The following DCHS2 variants were observed in gnomAD, a reference collection of about 807,000 sequenced individuals.
DCHS2 encodes the protein dachsous cadherin-related 2.
A neutral mutation model predicts 182.4 loss-of-function variants in DCHS2; 142 were observed. That is an observed-to-expected ratio of 0.78 (90% CI 0.68 to 0.89). The LOEUF is 0.89. DCHS2 is among the 40% of genes least tolerant of loss of function. DCHS2 has a pLI of 0.00. For missense variants in DCHS2, 4,319 were observed against 4,198.6 expected (o/e 1.03, Z -0.79); for synonymous variants, 1,740 against 1,663.3 (o/e 1.05, Z -1.12).
chr4:154,408,481 A>G (rs957621422), intron 1 of DCHS2, among the ~76,000 whole-genome samples: 5 of 152,248 alleles, frequency 3.3e-5, no homozygotes, highest in Non-Finnish European at 7.3e-5. Context: ...ATTATTTTGT[A>G]TATAACTTAT....
intron 14 of DCHS2, among the ~76,000 whole-genome samples, chr4:154,263,715 T>C (rs1045903986): frequency 6.8e-6 from 1 of 146,796 alleles, no homozygotes; most frequent in African/African-American, 2.5e-5. Flanking sequence ...AAACTGAAAC[T>C]GAAGCAGAAT....
At chr4:154,352,622 G>T (rs566507333) in intron 3 of DCHS2, 6 of 152,166 alleles carry the variant, frequency 3.9e-5, no homozygotes, top group Non-Finnish European at 8.8e-5. Flanking sequence ...GGAAAGTTTT[G>T]TGTTCTAGCA....
intron 1 of DCHS2, among the ~76,000 whole-genome samples, chr4:154,477,896 C>G (rs748121114): frequency 6.6e-6 from 1 of 152,126 alleles, no homozygotes; most frequent in Non-Finnish European, 1.5e-5. Context: ...TCCTATATGT[C>G]CTAGTCAATC....
At chr4:154,371,596 G>T (rs1730649975) in intron 2 of DCHS2, among the ~76,000 whole-genome samples, 1 of 152,126 alleles carries the variant, frequency 6.6e-6, no homozygotes, top group Non-Finnish European at 1.5e-5. Context: ...AAAGAAACCT[G>T]AGACTGATTA....
intron 13 of DCHS2, among the ~76,000 whole-genome samples, chr4:154,282,274 C>T (rs1382268833): frequency 6.6e-6 from 1 of 151,908 alleles, no homozygotes; most frequent in African/African-American, 2.4e-5. Context: ...AGTTGCAAGC[C>T]ACATATCTGA....
chr4:154,279,988 CAG>C (rs1459807726), intron 13 of DCHS2, among the ~76,000 whole-genome samples: 1 of 151,232 alleles, frequency 6.6e-6, no homozygotes, highest in Non-Finnish European at 1.5e-5. Flanking sequence ...ACTAATGAGA[CAG>C]AGACAGAGAA....
rs374742279 is a variant in DCHS2, at chr4:154,298,050, T to C, written c.6264A>G (p.Lys2088=). ...AETQSMFSID[K]YTGEIQFQQN... is the part of the protein sequence containing the mutation. Reference sequence around the variant, plus strand: ...GCTGAAATTGAATTTCTCCTGTGTATTTATCAATAGAAAACATTGACTGGG... The same window carrying C: ...GCTGAAATTGAATTTCTCCTGTGTACTTATCAATAGAAAACATTGACTGGG... The change falls in exon 13 of 20, where the codon AAA becomes AAG. Residue 2088 remains lysine (K), a synonymous_variant. Transcript: ENST00000357232. 1.9e-6 allele frequency: 3 copies of C among 1,614,026 alleles called. No individual in the cohort carries two copies. In the African/African-American group the frequency reaches 4.0e-5, roughly 22 times the overall value.
intron 1 of DCHS2, among the ~76,000 whole-genome samples, chr4:154,396,237 A>C (rs1025978300): frequency 1.1e-4 from 17 of 148,242 alleles, no homozygotes; most frequent in Admixed American, 8.0e-4. Context: ...CAATATATAT[A>C]GAAGAAAAGA....
intron 3 of DCHS2, among the ~76,000 whole-genome samples, chr4:154,345,897 T>C (rs1351678114): frequency 6.6e-6 from 1 of 152,240 alleles, no homozygotes; most frequent in East Asian, 1.9e-4. Context: ...TTGGCTGCTA[T>C]AGCAAAAGTA....
chr4:154,413,192 C>G (rs6831515), intron 1 of DCHS2, among the ~76,000 whole-genome samples: 34,722 of 152,094 alleles, frequency 0.23, 4,270 homozygotes, highest in African/African-American at 0.33. Context: ...GTATTCCTGG[C>G]ATGCTTCCTT....
chr4:154,452,227 G>A (rs1188383000), intron 1 of DCHS2, among the ~76,000 whole-genome samples: 1 of 152,108 alleles, frequency 6.6e-6, no homozygotes, highest in Non-Finnish European at 1.5e-5. Context: ...GAATATATTT[G>A]TTTATTTACA....
chr4:154,352,095 G>C (rs765421041), intron 3 of DCHS2, among the ~76,000 whole-genome samples: 10 of 151,810 alleles, frequency 6.6e-5, no homozygotes, highest in Non-Finnish European at 1.5e-4. Flanking sequence ...AGAGAGACTT[G>C]CATACACATA....
intron 1 of DCHS2, among the ~76,000 whole-genome samples, chr4:154,480,725 A>C (rs1735887577): frequency 6.6e-6 from 1 of 152,240 alleles, no homozygotes; most frequent in South Asian, 2.1e-4. Flanking sequence ...AAGGGCTGTC[A>C]ATATATCTAG....
At chr4:154,457,864 G>T (rs1357162627) in intron 1 of DCHS2, among the ~76,000 whole-genome samples, 1 of 152,150 alleles carries the variant, frequency 6.6e-6, no homozygotes, top group African/African-American at 2.4e-5. Context: ...TGTTGTTGAT[G>T]CTGCTGGTCC....
chr4:154,296,297 C>G (rs977279549), intron 13 of DCHS2, among the ~76,000 whole-genome samples: 1 of 152,078 alleles, frequency 6.6e-6, no homozygotes, highest in Non-Finnish European at 1.5e-5. Context: ...AGAACAGTTA[C>G]GTTTTCTCTA....
In DCHS2 at chr4:154,339,250, C is replaced by T. The variant is rs569399583; in HGVS notation, c.2477-4146G>A. 2.2e-4 allele frequency among the ~76,000 whole-genome samples: 34 copies of T among 152,262 alleles called. No individual in the cohort carries two copies. The Middle Eastern group carries it at 0.01, about 46-fold the overall frequency. On this transcript the variant is annotated intron_variant, in intron 3 of 19. Transcript: ENST00000357232. Reference sequence around the variant, plus strand: ...GGCAGAGAGCAAATTCAACCTTCCTCCACCTTTTTGTTCTTTTTCAGGCCC... The same window carrying T: ...GGCAGAGAGCAAATTCAACCTTCCTTCACCTTTTTGTTCTTTTTCAGGCCC...
Position 154,490,969 on chromosome 4 carries a change from C to G in DCHS2, c.387G>C (p.Arg129=). The G allele has an allele frequency of 2.6e-6, 4 of 1,550,436 alleles. No individual in the cohort carries two copies. Among genetic ancestry groups the G allele is most frequent in the Non-Finnish European group, 3.5e-6 (4 of 1,146,318 alleles). ...HPDTGIIRTA[R]RLDRERRDHY... Reference sequence around the variant, plus strand: ...GGTCCCGCCGCTCGCGGTCCAGGCGCCGCGCAGTGCGGATGATGCCGGTGT... The same window carrying G: ...GGTCCCGCCGCTCGCGGTCCAGGCGGCGCGCAGTGCGGATGATGCCGGTGT... Residue 129 remains arginine, a synonymous_variant, in exon 1 of 20, where the codon CGG becomes CGC. Transcript: ENST00000357232.
intron 1 of DCHS2, among the ~76,000 whole-genome samples, chr4:154,442,367 T>C (rs1734057212): frequency 1.3e-5 from 2 of 152,134 alleles, no homozygotes; most frequent in African/African-American, 4.8e-5. Context: ...TACATGGCTC[T>C]GTATATCCTG....
At chr4:154,398,401 C>A (rs538871098) in intron 1 of DCHS2, among the ~76,000 whole-genome samples, 1 of 152,150 alleles carries the variant, frequency 6.6e-6, no homozygotes, top group Admixed American at 6.5e-5. Flanking sequence ...AAGCACTCAA[C>A]AAAACATAGT....
Sources: gnomAD v4.1 joint callset for allele counts (sites outside exome capture counted in the v4.1 genomes callset) on GRCh38, gnomAD v4.1.1 for gene constraint, MANE v1.5 for transcripts, NCBI Gene and HGNC (gene_info 2026-07-23, HGNC 2026-07-21) for gene names.